NEO1: variants seen among roughly 807,000 people sequenced by gnomAD.
NEO1 encodes neogenin.
NEO1 carries 63 observed loss-of-function variants against 159.7 expected under a neutral mutation model. The observed-to-expected ratio is 0.39, with a 90% confidence interval of 0.32 to 0.49. NEO1 has a LOEUF of 0.49. Ranked by LOEUF, NEO1 falls within the 20% of genes least tolerant of loss-of-function variation. NEO1 has a pLI of 0.85. For missense variants in NEO1, 1,615 were observed against 1,831.0 expected, an observed-to-expected ratio of 0.88 and a Z score of 2.15; for synonymous variants, 633 against 662.0, an observed-to-expected ratio of 0.96 and a Z score of 0.67.
intron 18 of NEO1, 146 bp from the exon 19 acceptor site, chr15:73,272,309 T>TA: frequency 1.7e-6 from 1 of 582,520 alleles, no homozygotes; most frequent in East Asian, 2.8e-5. Flanking sequence ...GAACTTTTGA[T>TA]AGACAAACTG....
chr15:73,257,610 AT>A (rs2040430658), intron 13 of NEO1, among the ~76,000 whole-genome samples: 1 of 152,206 alleles, frequency 6.6e-6, no homozygotes, highest in Admixed American at 6.5e-5. Flanking sequence ...AGAAGTAATT[AT>A]TGTTATAGCA....
intron 5 of NEO1, among the ~76,000 whole-genome samples, chr15:73,167,237 C>T (rs1394702383): frequency 6.6e-6 from 1 of 150,862 alleles, no homozygotes; most frequent in African/African-American, 2.4e-5. Context: ...AACAAACCTG[C>T]ACGTTGTGCA....
chr15:73,074,593 GTTATTTAGAT>G (rs1411055278), intron 1 of NEO1, among the ~76,000 whole-genome samples: 1 of 152,180 alleles, frequency 6.6e-6, no homozygotes, highest in Non-Finnish European at 1.5e-5. Context: ...ATACCCTCAT[GTTATTTAGAT>G]TATGGACACA....
At chr15:73,230,940 C>A (rs2038874098) in intron 7 of NEO1, among the ~76,000 whole-genome samples, 1 of 152,042 alleles carries the variant, frequency 6.6e-6, no homozygotes, top group African/African-American at 2.4e-5. Flanking sequence ...TTCTTTGACC[C>A]TAGGATTGTT....
intron 5 of NEO1, among the ~76,000 whole-genome samples, chr15:73,145,491 A>G (rs1386372669): frequency 6.6e-6 from 1 of 152,212 alleles, no homozygotes; most frequent in African/African-American, 2.4e-5. Context: ...TATGCATGCA[A>G]TGATGTATAT....
chr15:73,204,446 C>T (rs62017777), intron 7 of NEO1, among the ~76,000 whole-genome samples: 1 of 151,880 alleles, frequency 6.6e-6, no homozygotes, highest in Admixed American at 6.6e-5. Flanking sequence ...TTGATAATGC[C>T]CCATGATTTT....
chr15:73,196,009 C>T (rs367748531), intron 7 of NEO1, among the ~76,000 whole-genome samples: 2 of 152,236 alleles, frequency 1.3e-5, no homozygotes, highest in East Asian at 3.9e-4. Flanking sequence ...CATTGAAAGT[C>T]AGTTTTTCTT....
intron 13 of NEO1, 82 bp from the exon 14 acceptor site, chr15:73,258,684 T>C: frequency 2.6e-6 from 3 of 1,138,856 alleles, no homozygotes; most frequent in Admixed American, 3.7e-5. Flanking sequence ...GTGACTGAGA[T>C]GTTTGCCTTA....
At position 73,188,464 on chromosome 15, in the gene NEO1, C is replaced by CA. The variant is rs540844709; in HGVS notation, c.1291+10043dup. Among the ~76,000 whole-genome samples the CA allele has an allele frequency of 4.7e-3, 721 of 152,134 alleles. 3 individuals carry two copies. Among genetic ancestry groups the CA allele is most frequent in the Non-Finnish European group, 7.8e-3 (527 of 67,986 alleles). ...GTTCAAAGGCATGGTTTTTAATGGC[C>CA]AAAAAACTTTTCCATCATAAGGTTG... is the stretch of plus-strand genomic sequence containing the variant. On this transcript the variant is annotated intron_variant, in intron 7 of 28. Coordinates refer to ENST00000261908, the MANE Select transcript of NEO1 (RefSeq NM_002499.4).
At chr15:73,233,853 G>A (rs114589238) in intron 7 of NEO1, among the ~76,000 whole-genome samples, 116 of 152,260 alleles carry the variant, frequency 7.6e-4, no homozygotes, top group African/African-American at 2.8e-3. Context: ...GCTTCCACAT[G>A]CACTTTTCTT....
intron 1 of NEO1, among the ~76,000 whole-genome samples, chr15:73,105,459 AAATAAC>A (rs2070640747): frequency 6.6e-6 from 1 of 152,232 alleles, no homozygotes; most frequent in Non-Finnish European, 1.5e-5. Flanking sequence ...ACATTTTCCT[AAATAAC>A]AGTATCATTA....
chr15:73,086,389 G>A (rs1218436531), intron 1 of NEO1, among the ~76,000 whole-genome samples: 1 of 151,966 alleles, frequency 6.6e-6, no homozygotes, highest in East Asian at 1.9e-4. Flanking sequence ...TTTCTTTTCT[G>A]AAATTGTTTA....
At chr15:73,139,189 CT>C (rs1235660155) in intron 5 of NEO1, among the ~76,000 whole-genome samples, 5 of 152,066 alleles carry the variant, frequency 3.3e-5, no homozygotes, top group Non-Finnish European at 7.4e-5. Flanking sequence ...GGATTAAACA[CT>C]TAAACATAAG....
intron 5 of NEO1, among the ~76,000 whole-genome samples, chr15:73,171,663 A>T (rs1421774047): frequency 6.8e-6 from 1 of 147,716 alleles, no homozygotes; most frequent in African/African-American, 2.5e-5. Context: ...ATTACTTGAG[A>T]CAGAGTCTTG....
rs557538559 is a variant in NEO1, at chr15:73,073,075, T to C, written c.130+20270T>C. Among the ~76,000 whole-genome samples, 23 of 152,286 alleles carry C rather than the reference T, an allele frequency of 1.5e-4. No homozygotes were observed. The South Asian group carries it at 4.6e-3, about 30-fold the overall frequency. On this transcript the variant is annotated intron_variant, in intron 1 of 28. Transcript: ENST00000261908. Reference sequence around the variant, plus strand: ...AGGGGCAGCATTACAGTCTGGAGTGTGATGGAAGACATGGGCTGTAGATTT... The same window carrying C: ...AGGGGCAGCATTACAGTCTGGAGTGCGATGGAAGACATGGGCTGTAGATTT...
intron 26 of NEO1, 196 bp from the exon 27 acceptor site, chr15:73,298,152 T>C (rs2042452176): frequency 1.6e-6 from 1 of 624,306 alleles, no homozygotes; most frequent in East Asian, 2.8e-5. Flanking sequence ...AAAACTGGAA[T>C]AGCTGGTTGA....
Position 73,226,241 on chromosome 15 carries a change from A to G in NEO1, c.1292-10106A>G, listed in dbSNP as rs563426731. Among the ~76,000 whole-genome samples the G allele has an allele frequency of 2.1e-3, 316 of 152,208 alleles. 4 individuals carry two copies. The highest frequency in any genetic ancestry group is 4.6e-3 in the Admixed American group (70 of 15,284). ...GATTTCTGGTTTGTTCTTGCAGTCAATCTGGAGCTTAAATTCACAGTGCGA... is the reference window on the plus strand; with the variant it reads ...GATTTCTGGTTTGTTCTTGCAGTCAGTCTGGAGCTTAAATTCACAGTGCGA... On this transcript the variant is annotated intron_variant, in intron 7 of 28. Transcript: ENST00000261908.
At chr15:73,171,661 A>AT (rs1193333674) in intron 5 of NEO1, among the ~76,000 whole-genome samples, 1 of 146,254 alleles carries the variant, frequency 6.8e-6, no homozygotes, top group African/African-American at 2.6e-5. Context: ...TTATTACTTG[A>AT]GACAGAGTCT....
chr15:73,097,357 C>G (rs868820021), intron 1 of NEO1, among the ~76,000 whole-genome samples: 1 of 102,960 alleles, frequency 9.7e-6, no homozygotes, highest in Admixed American at 1.2e-4. Context: ...GTCAGAGCCT[C>G]TTTTTTTTTT....
Sources: gnomAD v4.1 joint callset for allele counts (sites outside exome capture counted in the v4.1 genomes callset) on GRCh38, gnomAD v4.1.1 for gene constraint, MANE v1.5 for transcripts, NCBI Gene and HGNC (gene_info 2026-07-23, HGNC 2026-07-21) for gene names.